Variants in PLXNA4 observed in about 807,000 individuals in gnomAD.
The protein encoded by PLXNA4 is plexin-A4.
A neutral mutation model predicts 191.8 loss-of-function variants in PLXNA4; 44 were observed. The ratio of observed to expected loss-of-function variants is 0.23; its 90% CI spans 0.18 to 0.29. The LOEUF (loss-of-function observed/expected upper bound fraction) is 0.29. PLXNA4 is among the 10% of genes least tolerant of loss of function. PLXNA4 has a pLI of 1.00. For missense variants in PLXNA4, 1,800 were observed against 2,488.8 expected, an observed-to-expected ratio of 0.72 and a Z score of 5.89; for synonymous variants, 1,082 against 1,009.5, an observed-to-expected ratio of 1.07 and a Z score of -1.36.
chr7:132,589,675 A>G (rs1404079798), intron 2 of PLXNA4, among the ~76,000 whole-genome samples: 1 of 152,234 alleles, frequency 6.6e-6, no homozygotes, highest in East Asian at 1.9e-4. Context: ...GGTGCTGCAG[A>G]TAAAGTGGAG....
In PLXNA4 at chr7:132,202,636, C is replaced by T; in HGVS notation, c.2586+10G>A. 6.8e-7 allele frequency: 1 copy of T among 1,462,894 alleles called. No homozygotes were observed. Among genetic ancestry groups the T allele is most frequent in the Non-Finnish European group, 9.1e-7 (1 of 1,100,928 alleles). The allele number at this position is 1,462,894 out of a possible 1,614,324, so 90.6% of individuals were successfully genotyped here. On this transcript the variant is annotated intron_variant, in intron 12 of 31. Transcript: ENST00000321063. ...GCCCATTTGGAGCAGGAGGCCCGAC[C>T]CCGGCTTACCTCTGTGATGCGGGGG...
At chr7:132,352,269 C>T (rs1361249842) in intron 3 of PLXNA4, 4 of 152,556 alleles carry the variant, frequency 2.6e-5, no homozygotes, top group Non-Finnish European at 4.4e-5. Context: ...CGAAGCAGGC[C>T]CCCCTCTCGC....
intron 3 of PLXNA4, among the ~76,000 whole-genome samples, chr7:132,334,671 C>T (rs558671326): frequency 1.9e-4 from 29 of 152,262 alleles, no homozygotes; most frequent in African/African-American, 6.0e-4. Context: ...AGAATCAGGA[C>T]GGAACTTCAT....
At chr7:132,257,446 T>C (rs914024925) in intron 4 of PLXNA4, among the ~76,000 whole-genome samples, 1 of 152,210 alleles carries the variant, frequency 6.6e-6, no homozygotes, top group Admixed American at 6.5e-5. Flanking sequence ...GGTGGTGCAA[T>C]GTCACCCTGG....
Position 132,591,259 on chromosome 7 carries a change from G to T in PLXNA4, c.-87+54669C>A, listed in dbSNP as rs149759572. 6.6e-3 allele frequency among the ~76,000 whole-genome samples: 1,003 copies of T among 152,306 alleles called. 6 individuals carry two copies. The highest frequency in any genetic ancestry group is 0.011 in the Non-Finnish European group (716 of 68,012). On this transcript the variant is annotated intron_variant, in intron 2 of 4. Transcript: ENST00000378539. ...GTTGGGGACAAGAGGGAAGAAAAGCGAATGCACTGTAATTGATTCAGAAGA... is the reference window on the plus strand; with the variant it reads ...GTTGGGGACAAGAGGGAAGAAAAGCTAATGCACTGTAATTGATTCAGAAGA...
Position 132,311,439 on chromosome 7 carries a change from G to C in PLXNA4, c.1372-13217C>G, listed in dbSNP as rs111537408. On this transcript the variant is annotated intron_variant, in intron 3 of 31. Transcript: ENST00000321063. ...TCCCTAGGAGCTTCTTGAGTGCAGG[G>C]GCTACATGTTATTCATCTTACCCAA... is the stretch of plus-strand genomic sequence containing the variant. Among the ~76,000 whole-genome samples the C allele has an allele frequency of 3.3e-3, 495 of 152,166 alleles. 10 individuals are homozygous for C. The highest frequency in any genetic ancestry group is 0.012 in the African/African-American group (480 of 41,482).
chr7:132,387,245 C>G (rs1805189379), intron 3 of PLXNA4, among the ~76,000 whole-genome samples: 1 of 152,196 alleles, frequency 6.6e-6, no homozygotes, highest in South Asian at 2.1e-4. Flanking sequence ...CACCTCACAC[C>G]TATTGAATAA....
intron 14 of PLXNA4, among the ~76,000 whole-genome samples, chr7:132,189,044 G>GAA (rs1797005192): frequency 1.1e-5 from 1 of 90,266 alleles, no homozygotes; most frequent in Admixed American, 1.0e-4. Flanking sequence ...GAGAGAGAGA[G>GAA]AGAGAGAGAG....
intron 30 of PLXNA4, among the ~76,000 whole-genome samples, chr7:132,139,225 G>A (rs1795197996): frequency 6.6e-6 from 1 of 151,716 alleles, no homozygotes; most frequent in African/African-American, 2.4e-5. Flanking sequence ...AGAGCAGAGG[G>A]GAGAGGGAAA....
At chr7:132,441,355 G>C (rs905180075) in intron 3 of PLXNA4, among the ~76,000 whole-genome samples, 2 of 152,336 alleles carry the variant, frequency 1.3e-5, no homozygotes, top group South Asian at 4.2e-4. Context: ...TGACCAGTAA[G>C]GGGAGGCTGA....
chr7:132,182,089 A>C lies in PLXNA4; in HGVS notation c.3252+8T>G. The C allele has an allele frequency of 6.2e-7, 1 of 1,614,188 alleles. No homozygotes were observed. Among genetic ancestry groups the C allele is most frequent in the Non-Finnish European group, 8.5e-7 (1 of 1,180,042 alleles). On this transcript the variant is annotated splice_region_variant and intron_variant, in intron 17 of 31. Coordinates refer to ENST00000321063, the MANE Select transcript of PLXNA4 (RefSeq NM_020911.2). Reference sequence around the variant, plus strand: ...AGCCTCCATGAACCCCATCAGCCCTACACTCACATTGATGTGCTCCTTCCC... The same window carrying C: ...AGCCTCCATGAACCCCATCAGCCCTCCACTCACATTGATGTGCTCCTTCCC...
intron 4 of PLXNA4, among the ~76,000 whole-genome samples, chr7:132,282,987 C>T (rs1375028238): frequency 4.0e-5 from 6 of 151,250 alleles, no homozygotes; most frequent in Admixed American, 6.6e-5. Flanking sequence ...AGTGATCCTC[C>T]CACCTCAGCC....
At chr7:132,165,792 T>G (rs77137046) in intron 22 of PLXNA4, among the ~76,000 whole-genome samples, 4,282 of 150,700 alleles carry the variant, frequency 0.028, 192 homozygotes, top group African/African-American at 0.097. Flanking sequence ...AGGAGAAGGG[T>G]TCCATGTCAG....
chr7:132,446,907 G>T (rs150088804), intron 3 of PLXNA4, among the ~76,000 whole-genome samples: 2 of 152,078 alleles, frequency 1.3e-5, no homozygotes, highest in Non-Finnish European at 2.9e-5. Flanking sequence ...TGAATTCCTC[G>T]ACAGGCCTGT....
intron 2 of PLXNA4, among the ~76,000 whole-genome samples, chr7:132,618,672 C>G (rs73432839): frequency 0.042 from 6,447 of 152,274 alleles, 453 homozygotes; most frequent in African/African-American, 0.15. Context: ...AGGCAAGGAG[C>G]AGCCAGAAAA....
At chr7:132,363,493 C>T (rs1804029613) in intron 3 of PLXNA4, among the ~76,000 whole-genome samples, 1 of 152,198 alleles carries the variant, frequency 6.6e-6, no homozygotes, top group African/African-American at 2.4e-5. Flanking sequence ...CTTCAAGGTT[C>T]ATCCATGTTG....
At chr7:132,188,778 C>T (rs140225150) in intron 14 of PLXNA4, among the ~76,000 whole-genome samples, 26 of 152,010 alleles carry the variant, frequency 1.7e-4, no homozygotes, top group African/African-American at 5.5e-4. Context: ...GCCTGGATCT[C>T]GCTGTGTGAC....
chr7:132,420,111 G>A (rs893058117), intron 3 of PLXNA4, among the ~76,000 whole-genome samples: 1 of 152,120 alleles, frequency 6.6e-6, no homozygotes, highest in Non-Finnish European at 1.5e-5. Flanking sequence ...TGGGAGTGAG[G>A]GGATCCCCAC....
intron 2 of PLXNA4, among the ~76,000 whole-genome samples, chr7:132,583,783 G>T (rs968771501): frequency 6.6e-6 from 1 of 152,102 alleles, no homozygotes; most frequent in African/African-American, 2.4e-5. Flanking sequence ...TTCTCCTAAC[G>T]CACGCCTGCT....
Sources: gnomAD v4.1 joint callset for allele counts (sites outside exome capture counted in the v4.1 genomes callset) on GRCh38, gnomAD v4.1.1 for gene constraint, MANE v1.5 for transcripts, NCBI Gene and HGNC (gene_info 2026-07-23, HGNC 2026-07-21) for gene names.